UQCC2: variants seen among roughly 807,000 people sequenced by gnomAD.
UQCC2 encodes the protein breast cancer-associated protein SGA-81M.
UQCC2 carries 21 observed loss-of-function variants against 19.9 expected under a neutral mutation model. The ratio of observed to expected loss-of-function variants is 1.05; its 90% CI spans 0.75 to 1.52. The LOEUF (loss-of-function observed/expected upper bound fraction) is 1.52, where lower values mean the gene tolerates loss of function less well. UQCC2 is among the 40% of genes most tolerant of loss of function. UQCC2 has a pLI of 0.00. For missense variants in UQCC2, 135 were observed against 157.5 expected, an observed-to-expected ratio of 0.86 and a Z score of 0.76; for synonymous variants, 57 against 60.9, an observed-to-expected ratio of 0.94 and a Z score of 0.30.
chr6:33,705,020 G>C (rs1285226465), intron 1 of UQCC2, among the ~76,000 whole-genome samples: 1 of 149,900 alleles, frequency 6.7e-6, no homozygotes, highest in Non-Finnish European at 1.5e-5. Flanking sequence ...GTGACCCTCA[G>C]GTACTCTCAC....
chr6:33,706,491 A>G (rs1255710681), intron 1 of UQCC2, among the ~76,000 whole-genome samples: 2 of 152,082 alleles, frequency 1.3e-5, no homozygotes, highest in African/African-American at 4.8e-5. Flanking sequence ...GGCAATGTGT[A>G]AGTGAGAGCC....
intron 1 of UQCC2, among the ~76,000 whole-genome samples, chr6:33,705,033 CTTT>C (rs544104803): frequency 8.4e-5 from 11 of 131,280 alleles, no homozygotes; most frequent in Non-Finnish European, 1.3e-4. Context: ...ACTCTCACTT[CTTT>C]TTTTTTTTTT....
chr6:33,699,452 A>C (rs1486542272), intron 3 of UQCC2, among the ~76,000 whole-genome samples: 3 of 152,184 alleles, frequency 2.0e-5, no homozygotes, highest in Admixed American at 2.0e-4. Flanking sequence ...TCAAGTTCAA[A>C]CTTTGCTCAA....
intron 1 of UQCC2, among the ~76,000 whole-genome samples, chr6:33,706,804 G>A (rs1765703948): frequency 2.0e-5 from 3 of 152,212 alleles, no homozygotes; most frequent in South Asian, 2.1e-4. Context: ...GGTTTTTTGC[G>A]GTTGTAGGGG....
intron 1 of UQCC2, among the ~76,000 whole-genome samples, chr6:33,711,092 T>C (rs1765763359): frequency 6.6e-6 from 1 of 152,220 alleles, no homozygotes; most frequent in Non-Finnish European, 1.5e-5. Context: ...GGTGTGGGTC[T>C]CAACTCTCTC....
At chr6:33,705,359 AAG>A (rs1765688379) in intron 1 of UQCC2, among the ~76,000 whole-genome samples, 4 of 152,036 alleles carry the variant, frequency 2.6e-5, no homozygotes, top group Non-Finnish European at 5.9e-5. Context: ...TCCTGTGTGA[AAG>A]AGACAGTCTC....
intron 1 of UQCC2, among the ~76,000 whole-genome samples, chr6:33,708,888 G>GC (rs1281096661): frequency 1.3e-5 from 2 of 152,194 alleles, no homozygotes; most frequent in Non-Finnish European, 2.9e-5. Context: ...ATGAGGTACC[G>GC]CAACAGTGGT....
At chr6:33,701,491 A>G in intron 1 of UQCC2, 71 bp from the exon 2 acceptor site, 2 of 1,475,222 alleles carry the variant, frequency 1.4e-6, no homozygotes, top group South Asian at 1.2e-5. Context: ...TACCTTGAGG[A>G]AAGACCATAC....
chr6:33,700,439 A>G lies in UQCC2; in HGVS notation c.283+5T>C. 1 of 1,613,488 alleles carries G rather than the reference A, an allele frequency of 6.2e-7. No individual in the cohort carries two copies. Among genetic ancestry groups the G allele is most frequent in the Non-Finnish European group, 8.5e-7 (1 of 1,179,392 alleles). On this transcript the variant is annotated splice_donor_5th_base_variant and intron_variant, in intron 3 of 3. Coordinates refer to ENST00000607484, the MANE Select transcript of UQCC2 (RefSeq NM_032340.4). ...AATGAGAAAAGGCAGCTGTGCTTTC[A>G]TTACCTGTGGACAGGATCAGCTTGT...
intron 1 of UQCC2, among the ~76,000 whole-genome samples, chr6:33,705,391 C>T (rs1332824159): frequency 6.6e-6 from 1 of 152,156 alleles, no homozygotes; most frequent in Admixed American, 6.5e-5. Flanking sequence ...TCCCAGAATT[C>T]CTGGACTCAG....
intron 1 of UQCC2, among the ~76,000 whole-genome samples, chr6:33,708,527 G>A (rs1320480592): frequency 6.6e-6 from 1 of 152,180 alleles, no homozygotes; most frequent in Non-Finnish European, 1.5e-5. Flanking sequence ...TCATTAGGAC[G>A]AAGGAAGCCA....
chr6:33,698,690 G>A (rs926803697), intron 3 of UQCC2: 1 of 152,142 alleles, frequency 6.6e-6, no homozygotes, highest in Non-Finnish European at 1.5e-5. Flanking sequence ...ATCACTGAAG[G>A]CTGTTTCAAA....
intron 1 of UQCC2, among the ~76,000 whole-genome samples, chr6:33,707,355 G>C (rs553291855): frequency 6.6e-6 from 1 of 152,338 alleles, no homozygotes; most frequent in African/African-American, 2.4e-5. Context: ...CGTTGAGATG[G>C]CTTCACCGTG....
Position 33,711,613 on chromosome 6 carries a change from C to A in UQCC2, c.74G>T (p.Arg25Leu). 1 of 1,614,012 alleles carries A rather than the reference C, an allele frequency of 6.2e-7. No homozygotes were observed. Among genetic ancestry groups the A allele is most frequent in the Non-Finnish European group, 8.5e-7 (1 of 1,179,938 alleles). ...EWPVDETKRG[R>L]DLGAYLRQRV... ...CTGTCGCAGGTAAGCGCCCAAGTCC[C>A]GGCCCCGTTTGGTCTCGTCCACTGG... is the stretch of plus-strand genomic sequence containing the variant. The change falls in exon 1 of 4, where the codon CGG becomes CTG. Residue 25 changes from arginine (R) to leucine (L), a missense_variant. Physicochemically the swap from Arg to Leu is moderately radical, Grantham distance 102 (BLOSUM62 -2). Coordinates refer to ENST00000607484, the MANE Select transcript of UQCC2 (RefSeq NM_032340.4).
intron 3 of UQCC2, chr6:33,698,606 A>G (rs1765600124): frequency 6.6e-6 from 1 of 152,220 alleles, no homozygotes; most frequent in Non-Finnish European, 1.5e-5. Context: ...CCCAGGAACC[A>G]AAGCAGGGTT....
chr6:33,703,559 T>A (rs1485781252), intron 1 of UQCC2, among the ~76,000 whole-genome samples: 2 of 151,926 alleles, frequency 1.3e-5, no homozygotes, highest in African/African-American at 4.8e-5. Context: ...ACTGCCTGGG[T>A]TGACTCCTGG....
At chr6:33,701,528 C>G in intron 1 of UQCC2, 108 bp from the exon 2 acceptor site, 2 of 1,086,474 alleles carry the variant, frequency 1.8e-6, no homozygotes, top group Non-Finnish European at 2.6e-6. Context: ...ATGAAGCAGG[C>G]CTGCAGCTAG....
chr6:33,697,850 T>C, intron 3 of UQCC2, 100 bp from the exon 4 acceptor site: 1 of 916,128 alleles, frequency 1.1e-6, no homozygotes, highest in Non-Finnish European at 1.7e-6. Context: ...ATGGCTTGCT[T>C]TTCACACAGT....
At chr6:33,703,419 T>G (rs1486473865) in intron 1 of UQCC2, among the ~76,000 whole-genome samples, 2 of 152,084 alleles carry the variant, frequency 1.3e-5, no homozygotes, top group Non-Finnish European at 2.9e-5. Flanking sequence ...CACCTCGGCC[T>G]CCCAAAGTGT....
Sources: gnomAD v4.1 joint callset for allele counts (sites outside exome capture counted in the v4.1 genomes callset) on GRCh38, gnomAD v4.1.1 for gene constraint, MANE v1.5 for transcripts, NCBI Gene and HGNC (gene_info 2026-07-23, HGNC 2026-07-21) for gene names.